The following PARD3 variants were observed in gnomAD, a reference collection of about 807,000 sequenced individuals.
PARD3 encodes the protein par-3 family cell polarity regulator.
Under a neutral mutation model 155.4 loss-of-function variants are expected in PARD3, and 75 were observed. The ratio of observed to expected loss-of-function variants is 0.48; its 90% CI spans 0.40 to 0.58. PARD3 has a LOEUF of 0.58. Among genes scored for constraint, PARD3 ranks in the 20% least tolerant of loss-of-function variants. The probability of loss-of-function intolerance (pLI) is 0.00; values close to 1 mark genes in which losing one functional copy is unlikely to be tolerated. For missense variants in PARD3, 1,642 were observed against 1,721.7 expected (o/e 0.95, Z 0.82); for synonymous variants, 576 against 610.5 (o/e 0.94, Z 0.83).
chr10:34,305,538 T>C (rs1304718642), intron 20 of PARD3, among the ~76,000 whole-genome samples: 1 of 152,362 alleles, frequency 6.6e-6, no homozygotes, highest in South Asian at 2.1e-4. Context: ...TAGGCAGACA[T>C]GAAAGGGCAA....
At chr10:34,508,472 A>T (rs115611720) in intron 3 of PARD3, among the ~76,000 whole-genome samples, 249 of 152,272 alleles carry the variant, frequency 1.6e-3, no homozygotes, top group African/African-American at 5.7e-3. Context: ...GGTAAAAGGA[A>T]TCTAGCCATG....
chr10:34,251,347 T>C (rs1383111542), intron 22 of PARD3, among the ~76,000 whole-genome samples: 2 of 152,180 alleles, frequency 1.3e-5, no homozygotes, highest in African/African-American at 2.4e-5. Flanking sequence ...ACGACGGTGA[T>C]GGTAGTGGTG....
chr10:34,317,798 G>T (rs925013562), intron 19 of PARD3, among the ~76,000 whole-genome samples: 3 of 152,126 alleles, frequency 2.0e-5, no homozygotes, highest in Non-Finnish European at 4.4e-5. Flanking sequence ...TAATTTGCTG[G>T]ACTACACCAT....
chr10:34,715,369 A>G (rs1187547763), intron 1 of PARD3, among the ~76,000 whole-genome samples: 1 of 152,118 alleles, frequency 6.6e-6, no homozygotes, highest in Non-Finnish European at 1.5e-5. Context: ...GGCCCTGTGC[A>G]TCAACTTTGA....
At position 34,418,601 on chromosome 10, in the gene PARD3, G is replaced by T. The variant is rs77776769; in HGVS notation, c.715-16684C>A. Reference sequence around the variant, plus strand: ...ACTACAGGTCTACTTCAATATTCATGATTATTAATCTTTAGAAAATTACCT... The same window carrying T: ...ACTACAGGTCTACTTCAATATTCATTATTATTAATCTTTAGAAAATTACCT... On this transcript the variant is annotated intron_variant, in intron 5 of 24. Coordinates refer to ENST00000374788, the MANE Select transcript of PARD3 (RefSeq NM_001184785.2). Among the ~76,000 whole-genome samples, 454 of 152,250 alleles carry T rather than the reference G, an allele frequency of 3.0e-3. 1 individual carries two copies. Among genetic ancestry groups the T allele is most frequent in the African/African-American group, 0.01 (428 of 41,538 alleles).
intron 2 of PARD3, among the ~76,000 whole-genome samples, chr10:34,560,706 G>A (rs981806363): frequency 6.6e-6 from 1 of 152,196 alleles, no homozygotes; most frequent in Admixed American, 6.5e-5. Flanking sequence ...GTAATTTGGG[G>A]AGATGGGGTG....
chr10:34,639,718 T>C (rs1056965588), intron 2 of PARD3, among the ~76,000 whole-genome samples: 13 of 152,070 alleles, frequency 8.5e-5, no homozygotes, highest in Admixed American at 7.9e-4. Context: ...AATAAAAAAT[T>C]AGCTGGTGGT....
intron 22 of PARD3, among the ~76,000 whole-genome samples, chr10:34,180,135 C>T (rs1264924014): frequency 1.3e-5 from 2 of 152,112 alleles, no homozygotes; most frequent in African/African-American, 4.8e-5. Context: ...GCAACCTCCC[C>T]GTCCCGGGTT....
intron 1 of PARD3, among the ~76,000 whole-genome samples, chr10:34,806,380 G>A (rs527492942): frequency 6.6e-6 from 1 of 152,148 alleles, no homozygotes; most frequent in Admixed American, 6.5e-5. Flanking sequence ...ACTTTAAGTA[G>A]AGATGGGGTT....
intron 22 of PARD3, among the ~76,000 whole-genome samples, chr10:34,239,111 A>T (rs1331439909): frequency 5.3e-5 from 8 of 152,226 alleles, no homozygotes; most frequent in African/African-American, 1.9e-4. Context: ...TACATGCTTG[A>T]CATGATTTGT....
chr10:34,544,108 A>G (rs1178580768), intron 2 of PARD3, among the ~76,000 whole-genome samples: 3 of 152,224 alleles, frequency 2.0e-5, no homozygotes, highest in African/African-American at 7.2e-5. Flanking sequence ...ACAGGGAGCT[A>G]TAAAATAAAT....
intron 1 of PARD3, among the ~76,000 whole-genome samples, chr10:34,725,582 A>T (rs2094694122): frequency 6.6e-6 from 1 of 152,200 alleles, no homozygotes; most frequent in Non-Finnish European, 1.5e-5. Context: ...GAGTAGTGTT[A>T]TTCATCGTAA....
chr10:34,166,007 T>C (rs1949511712), intron 22 of PARD3, among the ~76,000 whole-genome samples: 1 of 152,252 alleles, frequency 6.6e-6, no homozygotes, highest in African/African-American at 2.4e-5. Context: ...CGGTTAATGC[T>C]ATCGCTATTC....
chr10:34,141,222 T>C (rs1018033267), intron 22 of PARD3, among the ~76,000 whole-genome samples: 1 of 152,184 alleles, frequency 6.6e-6, no homozygotes, highest in Non-Finnish European at 1.5e-5. Context: ...AATTAACTAC[T>C]TAGGAAATAT....
chr10:34,290,723 G>A (rs540912329), intron 20 of PARD3, among the ~76,000 whole-genome samples: 146 of 152,240 alleles, frequency 9.6e-4, no homozygotes, highest in African/African-American at 3.3e-3. Flanking sequence ...CTTTCCTGAT[G>A]TTTTTGAAGA....
intron 22 of PARD3, among the ~76,000 whole-genome samples, chr10:34,155,668 ATGTGTGTGTGTGTGTG>A (rs3039232): frequency 2.1e-5 from 3 of 140,346 alleles, no homozygotes; most frequent in Admixed American, 7.2e-5. Context: ...CCCTCTAAAA[ATGTGTGTGTGTGTGTG>A]TGTGTGTGTG....
intron 2 of PARD3, among the ~76,000 whole-genome samples, chr10:34,640,925 A>T (rs2092659571): frequency 6.6e-6 from 1 of 152,070 alleles, no homozygotes; most frequent in South Asian, 2.1e-4. Context: ...ATAAACATGT[A>T]ATAATTTTCA....
chr10:34,355,935 A>AAAAAC (rs1554837433), intron 14 of PARD3, among the ~76,000 whole-genome samples: 14 of 130,430 alleles, frequency 1.1e-4, no homozygotes, highest in Non-Finnish European at 1.8e-4. Context: ...AAAAAAAAAA[A>AAAAAC]AAAAAAAAAA....
In PARD3 at chr10:34,354,020, A is replaced by G. The variant is rs967543144; in HGVS notation, c.2067+5127T>C. On this transcript the variant is annotated intron_variant, in intron 14 of 24. Transcript: ENST00000374788. ...ATAAAACCATTAGATCTAAGAAAAGAAGGAAAGCAAAGGAAATAAAAATTA... is the reference window on the plus strand; with the variant it reads ...ATAAAACCATTAGATCTAAGAAAAGGAGGAAAGCAAAGGAAATAAAAATTA... Among the ~76,000 whole-genome samples the G allele has an allele frequency of 2.0e-5, 3 of 151,840 alleles. No homozygotes were observed. The South Asian group carries it at 6.2e-4, about 31-fold the overall frequency.
Sources: gnomAD v4.1 joint callset for allele counts (sites outside exome capture counted in the v4.1 genomes callset) on GRCh38, gnomAD v4.1.1 for gene constraint, MANE v1.5 for transcripts, NCBI Gene and HGNC (gene_info 2026-07-23, HGNC 2026-07-21) for gene names.